The following CEP192 variants were observed in gnomAD, a reference collection of about 807,000 sequenced individuals.
CEP192 encodes centrosomal protein of 192 kDa.
In CEP192, 151 loss-of-function variants were observed where a neutral mutation model predicts 271.8. The observed-to-expected ratio is 0.56, with a 90% CI of 0.49 to 0.64. The LOEUF (loss-of-function observed/expected upper bound fraction) is 0.64. CEP192 is among the 30% of genes least tolerant of loss of function. CEP192 has a pLI of 0.00. For missense variants in CEP192, 2,910 were observed against 3,020.5 expected (o/e 0.96, Z 0.86); for synonymous variants, 995 against 1,076.5 (o/e 0.92, Z 1.48).
intron 21 of CEP192, among the ~76,000 whole-genome samples, chr18:13,061,964 C>T (rs112816926): frequency 7.2e-5 from 11 of 152,292 alleles, no homozygotes; most frequent in African/African-American, 2.6e-4. Context: ...TTGAGCCTAC[C>T]TTTAAGCAGT....
intron 26 of CEP192, 38 bp downstream of exon 26, chr18:13,069,219 C>T: frequency 6.5e-7 from 1 of 1,536,014 alleles, no homozygotes; most frequent in Non-Finnish European, 9.0e-7. Context: ...GATAGTCTTT[C>T]CTCAGACTGT....
rs1329526468 is a variant in CEP192 at position 13,113,698 on chromosome 18, C to G, written c.7160C>G (p.Ser2387Cys). 6.2e-6 allele frequency: 10 copies of G among 1,610,670 alleles called. No homozygotes were observed. Among genetic ancestry groups the G allele is most frequent in the Non-Finnish European group, 8.5e-6 (10 of 1,178,674 alleles). ...HMKHTLRFQL[S>C]GQSIEAENEP... ...AAACACACGTTGAGATTCCAACTCT[C>G]TGGACAAGTGAGTAGTACACTGAAT... is the stretch of plus-strand genomic sequence containing the variant. Residue 2387 changes from serine to cysteine, a missense_variant, in exon 41 of 45, where the codon TCT (serine) becomes TGT (cysteine). By Grantham distance (112) the Ser-to-Cys change is moderately radical. Transcript: ENST00000506447.
Position 13,049,269 on chromosome 18 carries a change from C to G in CEP192, c.2478C>G (p.Asp826Glu), listed in dbSNP as rs1470461623. 6.2e-7 allele frequency: 1 copy of G among 1,614,088 alleles called. No individual in the cohort carries two copies. Among genetic ancestry groups the G allele is most frequent in the Non-Finnish European group, 8.5e-7 (1 of 1,180,008 alleles). Residue 826 changes from aspartate to glutamate, a missense_variant, in exon 16 of 45, where the codon GAC (aspartate) becomes GAG (glutamate). Asp to Glu is a conservative substitution (Grantham distance 45). Transcript: ENST00000506447. Reference sequence around the variant, plus strand: ...CTACTCAAGACATTCATCCGGTGGACTTAAGTGCTACTAGTGTAAGTGTGA... The same window carrying G: ...CTACTCAAGACATTCATCCGGTGGAGTTAAGTGCTACTAGTGTAAGTGTGA... ...EQTTQDIHPVDLSATSVSVRA... is the reference protein window; with the variant it reads ...EQTTQDIHPVELSATSVSVRA...
intron 13 of CEP192, among the ~76,000 whole-genome samples, chr18:13,040,167 A>G (rs952304734): frequency 6.6e-6 from 1 of 152,206 alleles, no homozygotes; most frequent in Admixed American, 6.5e-5. Context: ...AAATGGATCT[A>G]TTATTTGGAA....
In CEP192 at chr18:13,056,017, A is replaced by C. The variant is rs535897471; in HGVS notation, c.3427A>C (p.Lys1143Gln). ...DFRWSKDPSS[K>Q]SGNLLETSEV... Reference sequence around the variant, plus strand: ...TAGATGGAGTAAAGATCCTTCCTCCAAAAGTGGAAATCTGTTGGAAACCAG... The same window carrying C: ...TAGATGGAGTAAAGATCCTTCCTCCCAAAGTGGAAATCTGTTGGAAACCAG... Residue 1143 changes from lysine (K) to glutamine (Q), a missense_variant, in exon 19 of 45, where the codon AAA (lysine) becomes CAA (glutamine). Transcript: ENST00000506447. 9 of 1,614,252 alleles carry C rather than the reference A, an allele frequency of 5.6e-6. No individual in the cohort carries two copies. The highest frequency in any genetic ancestry group is 1.1e-5 in the South Asian group (1 of 91,084).
intron 37 of CEP192, 132 bp downstream of exon 37, chr18:13,099,713 C>T: frequency 1.3e-5 from 7 of 550,550 alleles, no homozygotes; most frequent in Non-Finnish European, 2.3e-5. Flanking sequence ...TTTGTGGGTT[C>T]CACTTCCAGG....
At position 13,100,489 on chromosome 18, in the gene CEP192, C is replaced by G. The variant is rs781394765; in HGVS notation, c.6848C>G (p.Thr2283Arg). 7 of 1,613,210 alleles carry G rather than the reference C, an allele frequency of 4.3e-6. No homozygotes were observed. The African/African-American group carries it at 5.3e-5, about 12-fold the overall frequency. Residue 2283 changes from threonine to arginine, a missense_variant, in exon 38 of 45, where the codon ACA becomes AGA. Thr to Arg is a moderately conservative substitution (Grantham distance 71, BLOSUM62 -1). Coordinates refer to ENST00000506447, the MANE Select transcript of CEP192 (RefSeq NM_032142.4). The part of the protein sequence containing the change: ...EIRNKSITFP[T>R]TEPGETSESC... Reference sequence around the variant, plus strand: ...AGAAACAAGAGTATTACTTTTCCTACAACAGAACCTGGTGAAACTTCAGGT... The same window carrying G: ...AGAAACAAGAGTATTACTTTTCCTAGAACAGAACCTGGTGAAACTTCAGGT...
At chr18:13,024,473 T>A (rs1474076776) in intron 9 of CEP192, 1 of 362,758 alleles carries the variant, frequency 2.8e-6, no homozygotes, top group African/African-American at 2.2e-5. Flanking sequence ...ATTTATTTAT[T>A]TATTTTTTGA....
In CEP192 at chr18:13,017,248, T is replaced by G; in HGVS notation, c.701T>G (p.Leu234Arg). Residue 234 changes from leucine to arginine, a missense_variant, in exon 7 of 45, where the codon CTG (leucine) becomes CGG (arginine). Coordinates refer to ENST00000506447, the MANE Select transcript of CEP192 (RefSeq NM_032142.4). ...DDHLEAYFEQ[L>R]AIPGMIYEDL... ...CATTTGGAGGCTTATTTTGAACAAC[T>G]GGCAATTCCAGGAATGATATATGAA... The G allele has an allele frequency of 6.5e-7, 1 of 1,549,860 alleles. No homozygotes were observed. Among genetic ancestry groups the G allele is most frequent in the Non-Finnish European group, 8.7e-7 (1 of 1,145,910 alleles).
chr18:13,097,851 C>A (rs1159108100), intron 36 of CEP192, among the ~76,000 whole-genome samples: 1 of 151,936 alleles, frequency 6.6e-6, no homozygotes, highest in Non-Finnish European at 1.5e-5. Flanking sequence ...TGACTCTTAA[C>A]GAACATGCTG....
At position 13,029,777 on chromosome 18, in the gene CEP192, C is replaced by T. The variant is rs2035511805; in HGVS notation, c.1165C>T (p.Pro389Ser). ...TAGAGGTGGTTTTGATCTGACTGAC[C>T]CTGTAAAACAGGGGGCAGAGTGTCC... ...ANRGGFDLTD[P>S]VKQGAECPHQ... Residue 389 changes from proline to serine, a missense_variant, in exon 10 of 45, where the codon CCT becomes TCT. Transcript: ENST00000506447. The T allele has an allele frequency of 6.4e-7, 1 of 1,551,424 alleles. No individual in the cohort carries two copies. Among genetic ancestry groups the T allele is most frequent in the African/African-American group, 1.4e-5 (1 of 73,006 alleles).
intron 35 of CEP192, 42 bp from the exon 36 acceptor site, chr18:13,096,142 G>A: frequency 6.2e-7 from 1 of 1,601,106 alleles, no homozygotes. Context: ...CTTTTTCACT[G>A]TTGTTAAATG....
intron 21 of CEP192, among the ~76,000 whole-genome samples, chr18:13,063,819 A>T (rs371346020): frequency 2.8e-5 from 4 of 142,568 alleles, no homozygotes; most frequent in Admixed American, 6.9e-5. Context: ...GATTTTCCCC[A>T]ATTTTTTTTT....
At chr18:13,111,009 C>T (rs577376230) in intron 40 of CEP192, among the ~76,000 whole-genome samples, 1 of 152,348 alleles carries the variant, frequency 6.6e-6, no homozygotes, top group East Asian at 1.9e-4. Flanking sequence ...TCTCCCAGTT[C>T]ACAGACTCAA....
chr18:13,008,745 C>G (rs1262396386), intron 4 of CEP192, 114 bp downstream of exon 4: 1 of 820,488 alleles, frequency 1.2e-6, no homozygotes. Context: ...CTCCTGTCGC[C>G]CAGGCTGGAG....
intron 30 of CEP192, 127 bp from the exon 31 acceptor site, chr18:13,086,890 C>T (rs1435438737): frequency 3.0e-6 from 2 of 656,420 alleles, no homozygotes; most frequent in Admixed American, 3.0e-5. Flanking sequence ...GGAACTACTA[C>T]CCAAAGTACA....
chr18:13,032,494 A>C (rs1379757158), intron 11 of CEP192, among the ~76,000 whole-genome samples: 1 of 152,154 alleles, frequency 6.6e-6, no homozygotes, highest in African/African-American at 2.4e-5. Context: ...CGAATGGTGG[A>C]TATTTATCAC....
At chr18:13,099,378 G>GAAAT (rs2039597809) in intron 36 of CEP192, 98 bp from the exon 37 acceptor site, 2 of 637,764 alleles carry the variant, frequency 3.1e-6, no homozygotes, top group African/African-American at 3.7e-5. Context: ...GAGCAGTGAG[G>GAAAT]AAATGGCCAT....
chr18:13,069,058 G>A (rs950941801), intron 25 of CEP192, 31 bp from the exon 26 acceptor site: 16 of 1,613,364 alleles, frequency 9.9e-6, no homozygotes, highest in Admixed American at 1.7e-5. Context: ...GTGACAGTTC[G>A]TTGAAATGTC....
Sources: allele counts gnomAD v4.1 joint callset (sites outside exome capture counted in the v4.1 genomes callset), GRCh38; gene constraint gnomAD v4.1.1; transcripts MANE v1.5; gene names NCBI Gene and HGNC (gene_info 2026-07-23, HGNC 2026-07-21).